The following CUL1 variants were observed in gnomAD, a reference collection of about 807,000 sequenced individuals.
The protein encoded by CUL1 is cullin-1.
In CUL1, 24 loss-of-function variants were observed where a neutral mutation model predicts 118.0. The observed-to-expected ratio is 0.20, with a 90% CI of 0.15 to 0.29. The LOEUF (loss-of-function observed/expected upper bound fraction) is 0.29. CUL1 is among the 10% of genes least tolerant of loss of function. The pLI is 1.00. For synonymous variants in CUL1, 332 were observed against 340.4 expected (o/e 0.98, Z 0.27); for missense variants, 361 against 933.8 (o/e 0.39, Z 7.99).
At chr7:148,722,153 G>A (rs1798416947) in intron 1 of CUL1, among the ~76,000 whole-genome samples, 1 of 152,158 alleles carries the variant, frequency 6.6e-6, no homozygotes, top group African/African-American at 2.4e-5. Flanking sequence ...TCCAGTCTTG[G>A]GACCATGGCT....
intron 7 of CUL1, among the ~76,000 whole-genome samples, chr7:148,765,356 G>A (rs950239911): frequency 6.6e-6 from 1 of 152,148 alleles, no homozygotes; most frequent in African/African-American, 2.4e-5. Context: ...GGCAAGGCAC[G>A]GTAGCTGGAC....
At chr7:148,719,472 T>A (rs986850058) in intron 1 of CUL1, among the ~76,000 whole-genome samples, 1 of 152,162 alleles carries the variant, frequency 6.6e-6, no homozygotes, top group Non-Finnish European at 1.5e-5. Flanking sequence ...TAAGTGCAAA[T>A]TTTTCAAGCC....
chr7:148,703,043 G>A (rs963866216), intron 1 of CUL1, among the ~76,000 whole-genome samples: 2 of 152,228 alleles, frequency 1.3e-5, no homozygotes, highest in Admixed American at 6.5e-5. Context: ...GGCTAGGAAG[G>A]TAGTCAAGCC....
intron 17 of CUL1, among the ~76,000 whole-genome samples, chr7:148,795,668 G>A (rs1206404293): frequency 2.0e-5 from 3 of 151,768 alleles, no homozygotes; most frequent in Admixed American, 2.0e-4. Flanking sequence ...TACTCGGGAG[G>A]CTGAGGCGAG....
chr7:148,769,428 C>T (rs1800130569), intron 9 of CUL1, among the ~76,000 whole-genome samples: 2 of 151,040 alleles, frequency 1.3e-5, no homozygotes, highest in African/African-American at 4.9e-5. Context: ...CACACACACA[C>T]ACACACACAC....
chr7:148,767,595 A>G (rs1800050591), intron 8 of CUL1, 24 bp from the exon 9 acceptor site: 4 of 1,611,826 alleles, frequency 2.5e-6, no homozygotes, highest in Non-Finnish European at 3.4e-6. Context: ...TTCAGTGCAT[A>G]AAAGGGGTTT....
intron 2 of CUL1, among the ~76,000 whole-genome samples, chr7:148,749,675 CTTGAG>C (rs1309502902): frequency 2.6e-5 from 4 of 152,104 alleles, no homozygotes; most frequent in Admixed American, 1.3e-4. Context: ...ACACAACAAT[CTTGAG>C]TTGAGGCCAG....
chr7:148,713,135 T>G (rs1163700258), intron 1 of CUL1, among the ~76,000 whole-genome samples: 7 of 152,114 alleles, frequency 4.6e-5, no homozygotes, highest in Non-Finnish European at 1.0e-4. Flanking sequence ...CATGATCAAA[T>G]GTAATACCGT....
chr7:148,767,873 A>G (rs1800057490), intron 9 of CUL1, 124 bp downstream of exon 9: 3 of 989,942 alleles, frequency 3.0e-6, no homozygotes, highest in Admixed American at 5.2e-5. Context: ...TCTGAGAACC[A>G]TGTTTTGTCT....
chr7:148,720,340 C>T (rs774507037), intron 1 of CUL1, among the ~76,000 whole-genome samples: 18 of 152,008 alleles, frequency 1.2e-4, no homozygotes, highest in Non-Finnish European at 2.4e-4. Context: ...TGCCTAGACT[C>T]CGGCAGTTGG....
intron 15 of CUL1, 46 bp from the exon 16 acceptor site, chr7:148,790,264 G>C (rs1261528311): frequency 6.2e-7 from 1 of 1,603,960 alleles, no homozygotes; most frequent in Admixed American, 1.7e-5. Context: ...CTGCCTGTAG[G>C]ATGTGGTGAG....
chr7:148,750,187 G>A (rs908628956), intron 2 of CUL1, among the ~76,000 whole-genome samples: 10 of 152,314 alleles, frequency 6.6e-5, no homozygotes, highest in East Asian at 3.9e-4. Context: ...ATGGAGAATA[G>A]CAAGTTAGCC....
intron 2 of CUL1, among the ~76,000 whole-genome samples, chr7:148,744,446 A>G (rs1447575546): frequency 6.7e-6 from 1 of 149,830 alleles, no homozygotes; most frequent in African/African-American, 2.5e-5. Context: ...GTGAAAGAGA[A>G]GAAGGAATAA....
Position 148,754,126 on chromosome 7 carries a change from G to T in CUL1, c.291G>T (p.Lys97Asn), listed in dbSNP as rs1191816111. ...ELYKRLKEFL[K>N]NYLTNLLKDG... ...ATAAACGACTTAAGGAATTTTTGAA[G>T]AATTACTTGACAAATCTTCTTAAGG... The change falls in exon 3 of 22, where the codon AAG becomes AAT. Residue 97 changes from lysine to asparagine, a missense_variant. Around this residue, in one of 7 missense-constraint regions of CUL1, gnomAD observed 49 missense variants for 67.4 expected, o/e 0.73. Transcript: ENST00000325222. 1.9e-6 allele frequency: 3 copies of T among 1,608,140 alleles called. No homozygotes were observed. The highest frequency in any genetic ancestry group is 3.4e-5 in the Admixed American group (2 of 58,968).
chr7:148,724,999 T>C (rs1441482279), intron 1 of CUL1, among the ~76,000 whole-genome samples: 1 of 152,144 alleles, frequency 6.6e-6, no homozygotes. Context: ...AAGAGTGACA[T>C]TTTTTGATGG....
intron 7 of CUL1, among the ~76,000 whole-genome samples, chr7:148,762,968 G>A (rs933721465): frequency 6.6e-5 from 10 of 152,214 alleles, no homozygotes; most frequent in Non-Finnish European, 1.3e-4. Flanking sequence ...CCAGCATGGT[G>A]AAACCCTCTC....
At chr7:148,698,811 A>T (rs1033661412), upstream of CUL1, 2 of 154,460 alleles carry the variant, frequency 1.3e-5, no homozygotes, top group African/African-American at 4.8e-5. Flanking sequence ...GAGAGGGCGG[A>T]GGTTGCGTGG....
chr7:148,750,046 A>G (rs955666365), intron 2 of CUL1, among the ~76,000 whole-genome samples: 1 of 152,248 alleles, frequency 6.6e-6, no homozygotes, highest in Non-Finnish European at 1.5e-5. Flanking sequence ...ACTCTCTGCA[A>G]TTCTGTAAAG....
intron 2 of CUL1, among the ~76,000 whole-genome samples, chr7:148,752,658 T>A (rs528397246): frequency 2.0e-5 from 3 of 152,334 alleles, no homozygotes; most frequent in African/African-American, 7.2e-5. Context: ...ATTTATTTAT[T>A]TATTTTTTGA....
Sources: gnomAD v4.1 joint callset for allele counts (sites outside exome capture counted in the v4.1 genomes callset) on GRCh38, gnomAD v4.1.1 for gene constraint, gnomAD v4.1.1 regional missense constraint, MANE v1.5 for transcripts, NCBI Gene and HGNC (gene_info 2026-07-23, HGNC 2026-07-21) for gene names.